HERC2: variants seen among roughly 807,000 people sequenced by gnomAD.
The protein encoded by HERC2 is E3 ubiquitin-protein ligase HERC2.
In HERC2, 102 loss-of-function variants were observed where a neutral mutation model predicts 537.7. That is an observed-to-expected ratio of 0.19 (90% CI 0.16 to 0.22). The LOEUF is 0.22. Ranked by LOEUF, HERC2 falls within the 10% of genes least tolerant of loss-of-function variation. The probability of loss-of-function intolerance (pLI) is 1.00; values close to 1 mark genes in which losing one functional copy is unlikely to be tolerated. For synonymous variants in HERC2, 2,224 were observed against 2,466.2 expected, an observed-to-expected ratio of 0.90 and a Z score of 2.91; for missense variants, 4,236 against 6,198.2, an observed-to-expected ratio of 0.68 and a Z score of 10.63.
intron 19 of HERC2, among the ~76,000 whole-genome samples, chr15:28,255,479 A>T (rs2075228724): frequency 6.6e-6 from 1 of 152,260 alleles, no homozygotes; most frequent in South Asian, 2.1e-4. Context: ...TCTGAAAATC[A>T]TTCTCCAAGG....
Position 28,113,703 on chromosome 15 carries a change from C to CT in HERC2, c.13914-26dup. On this transcript the variant is annotated intron_variant, in intron 90 of 92. Transcript: ENST00000261609. The surrounding 1 kb of genome is among the most constrained non-coding windows in gnomAD (Gnocchi z 7.0). ...TCTGGAAGAAAAAGCTCACTTTACA[C>CT]TTCTGTCTTCAGTGACACTGACTTT... The CT allele has an allele frequency of 6.3e-7, 1 of 1,584,722 alleles. No individual in the cohort carries two copies. Among genetic ancestry groups the CT allele is most frequent in the Non-Finnish European group, 8.7e-7 (1 of 1,154,092 alleles).
In HERC2 at chr15:28,115,537, C is replaced by T; in HGVS notation, c.13614G>A (p.Val4538=). 6.2e-7 allele frequency: 1 copy of T among 1,611,920 alleles called. No homozygotes were observed. The highest frequency in any genetic ancestry group is 8.5e-7 in the Non-Finnish European group (1 of 1,178,134). The stretch of plus-strand genomic sequence containing the variant: ...CGGTTCGGATGGCAATGCCCAGCAA[C>T]ACACCTGATCATTCAGGACACAAGT... ...VHSSMFRFLG[V]LLGIAIRTGS... is the part of the protein sequence containing the mutation. The change falls in exon 89 of 93, where the codon GTG becomes GTA. Residue 4538 remains valine (V), a synonymous_variant. Coordinates refer to ENST00000261609, the MANE Select transcript of HERC2 (RefSeq NM_004667.6).
rs375906595 is a variant in HERC2, at chr15:28,263,058, T to C, written c.1982A>G (p.Lys661Arg). 27 of 1,614,222 alleles carry C rather than the reference T, an allele frequency of 1.7e-5. No individual in the cohort carries two copies. Among genetic ancestry groups the C allele is most frequent in the South Asian group, 2.2e-5 (2 of 91,086 alleles). ...GGAAAACTGACTTCCACAGCGGACT[T>C]TGACCACATCCAAGTCTTGAAGCTT... ...IEKLQDLDVV[K>R]VRCGSQFSIA... Residue 661 changes from lysine (K) to arginine (R), a missense_variant, in exon 15 of 93, where the codon AAA becomes AGA. Physicochemically the swap from Lys to Arg is conservative, Grantham distance 26. Coordinates refer to ENST00000261609, the MANE Select transcript of HERC2 (RefSeq NM_004667.6).
Position 28,213,743 on chromosome 15 carries a change from G to A in HERC2, c.6785C>T (p.Pro2262Leu), listed in dbSNP as rs751972944. The change falls in exon 42 of 93, where the codon CCA becomes CTA. Residue 2262 changes from proline to leucine, a missense_variant and splice_region_variant. Transcript: ENST00000261609. ...CRVCPLNQLK[P>L]LPAVAFNVNN... is the part of the protein sequence containing the mutation. ...GTAACTAAGCACAAGTTCACCTACT[G>A]GTTTCAGCTGATTCAATGGGCAAAC... 2.5e-6 allele frequency: 4 copies of A among 1,611,608 alleles called. No individual in the cohort carries two copies. The highest frequency in any genetic ancestry group is 3.4e-6 in the Non-Finnish European group (4 of 1,177,750).
At chr15:28,197,734 G>C (rs879474351) in intron 50 of HERC2, among the ~76,000 whole-genome samples, 1 of 152,164 alleles carries the variant, frequency 6.6e-6, no homozygotes, top group African/African-American at 2.4e-5. Context: ...CTGGTCAGGG[G>C]AGGAGAAAGA....
intron 85 of HERC2, 126 bp from the exon 86 acceptor site, chr15:28,121,555 T>C: frequency 1.3e-6 from 1 of 759,670 alleles, no homozygotes. Context: ...AACTGCCAGT[T>C]CCCTTTTCTC....
At chr15:28,219,143 C>G (rs1313520011) in intron 37 of HERC2, among the ~76,000 whole-genome samples, 1 of 152,262 alleles carries the variant, frequency 6.6e-6, no homozygotes, top group African/African-American at 2.4e-5. Context: ...CAAGGTTTCA[C>G]TTCTTTAGAA....
At chr15:28,206,599 C>T (rs1421630266) in intron 44 of HERC2, among the ~76,000 whole-genome samples, 1 of 151,558 alleles carries the variant, frequency 6.6e-6, no homozygotes, top group African/African-American at 2.4e-5. Flanking sequence ...TTCGGGAGGC[C>T]AAGGCGGGTG....
chr15:28,210,273 A>G (rs1033284793), intron 44 of HERC2, among the ~76,000 whole-genome samples: 14 of 152,192 alleles, frequency 9.2e-5, no homozygotes, highest in East Asian at 5.8e-4. Flanking sequence ...AGCTAGAACT[A>G]CAGGCGTCCG....
intron 69 of HERC2, among the ~76,000 whole-genome samples, chr15:28,160,726 C>T (rs111512902): frequency 3.9e-5 from 6 of 152,340 alleles, no homozygotes; most frequent in African/African-American, 1.4e-4. Flanking sequence ...GCTCGGTGCA[C>T]TGCACCCACT....
At position 28,238,110 on chromosome 15, in the gene HERC2, T is replaced by C; in HGVS notation, c.3852+4A>G. ...TCTGCATCACTCAAGGCATACAGCC[T>C]CACCTCCAAATACTGGCCAACACAA... On this transcript the variant is annotated splice_donor_region_variant and intron_variant, in intron 25 of 92. Coordinates refer to ENST00000261609, the MANE Select transcript of HERC2 (RefSeq NM_004667.6). The C allele has an allele frequency of 6.2e-7, 1 of 1,604,432 alleles. No homozygotes were observed. The highest frequency in any genetic ancestry group is 1.1e-5 in the South Asian group (1 of 90,826).
rs746106427 is a variant in HERC2, at chr15:28,317,108, T to C, written c.72+4254A>G. On this transcript the variant is annotated intron_variant, in intron 2 of 92. Coordinates refer to ENST00000261609, the MANE Select transcript of HERC2 (RefSeq NM_004667.6). Reference sequence around the variant, plus strand: ...AGCATGAAGTGACAATTTTTTTTTTTGAGATGGAGTCTTGCTGTGTTGGCC... The same window carrying C: ...AGCATGAAGTGACAATTTTTTTTTTCGAGATGGAGTCTTGCTGTGTTGGCC... 7.2e-5 allele frequency among the ~76,000 whole-genome samples: 11 copies of C among 151,886 alleles called. No homozygotes were observed. In the East Asian group the frequency reaches 7.7e-4, roughly 11 times the overall value.
At position 28,150,921 on chromosome 15, in the gene HERC2, C is replaced by T. The variant is rs1892382915; in HGVS notation, c.10900+1756G>A. Among the ~76,000 whole-genome samples, 3 of 152,164 alleles carry T rather than the reference C, an allele frequency of 2.0e-5. No homozygotes were observed. In the South Asian group the frequency reaches 6.2e-4, roughly 32 times the overall value. On this transcript the variant is annotated intron_variant, in intron 70 of 92. Transcript: ENST00000261609. ...AGGACAAAAACTCTCATGGACAAGT[C>T]TGATCTCAGGGACTAATGAGGAATT...
chr15:28,278,856 A>G (rs1241318500), intron 5 of HERC2, among the ~76,000 whole-genome samples: 1 of 152,224 alleles, frequency 6.6e-6, no homozygotes, highest in Non-Finnish European at 1.5e-5. Context: ...TAACCTTCTG[A>G]GGACAAAAGT....
chr15:28,235,795 A>G (rs542619379), intron 26 of HERC2, among the ~76,000 whole-genome samples: 74 of 152,194 alleles, frequency 4.9e-4, no homozygotes, highest in African/African-American at 1.7e-3. Flanking sequence ...CCTACCCATC[A>G]CTGCATCCTG....
intron 2 of HERC2, among the ~76,000 whole-genome samples, chr15:28,306,598 T>A (rs7166222): frequency 0.17 from 25,338 of 150,766 alleles, 2,227 homozygotes; most frequent in East Asian, 0.44. Flanking sequence ...TAAGTTTGGA[T>A]GTATTCCCTC....
chr15:28,284,819 G>A (rs1300404368), intron 4 of HERC2, among the ~76,000 whole-genome samples: 1 of 149,608 alleles, frequency 6.7e-6, no homozygotes, highest in African/African-American at 2.5e-5. Context: ...GGAGGCTGAG[G>A]CAGGAGAATC....
At chr15:28,129,130 T>C (rs1473955233) in intron 83 of HERC2, among the ~76,000 whole-genome samples, 1 of 152,212 alleles carries the variant, frequency 6.6e-6, no homozygotes, top group Non-Finnish European at 1.5e-5. Context: ...TGCCATTGTG[T>C]TGGGGTTCCC....
chr15:28,220,089 C>T (rs1489620445), intron 37 of HERC2, among the ~76,000 whole-genome samples: 1 of 152,174 alleles, frequency 6.6e-6, no homozygotes, highest in Non-Finnish European at 1.5e-5. Context: ...ACCGAGACCA[C>T]AGGGCAATTC....
Sources: allele counts gnomAD v4.1 joint callset (sites outside exome capture counted in the v4.1 genomes callset), GRCh38; gene constraint gnomAD v4.1.1; non-coding constraint Gnocchi (gnomAD v3.1); transcripts MANE v1.5; gene names NCBI Gene and HGNC (gene_info 2026-07-23, HGNC 2026-07-21).